The following CREBBP variants were observed in gnomAD, a reference collection of about 807,000 sequenced individuals.
CREBBP encodes CREB-binding protein.
CREBBP carries 19 observed loss-of-function variants against 265.0 expected under a neutral mutation model. That is an observed-to-expected ratio of 0.07 (90% CI 0.05 to 0.11). The LOEUF (loss-of-function observed/expected upper bound fraction) is 0.11. CREBBP is among the 10% of genes least tolerant of loss of function. CREBBP has a pLI of 1.00. For synonymous variants in CREBBP, 1,457 were observed against 1,223.7 expected, an observed-to-expected ratio of 1.19 and a Z score of -3.98; for missense variants, 2,525 against 3,219.0, an observed-to-expected ratio of 0.78 and a Z score of 5.22.
In CREBBP at chr16:3,728,699, C is replaced by T. The variant is rs2151304553; in HGVS notation, c.6348G>A (p.Gln2116=). ...AKYVANQPGM[Q]PQPGLQSQPG... ...GCTGGGACTGGAGGCCAGGCTGGGGCTGCATGCCGGGCTGATTGGCCACGT... is the reference window on the plus strand; with the variant it reads ...GCTGGGACTGGAGGCCAGGCTGGGGTTGCATGCCGGGCTGATTGGCCACGT... The change falls in exon 31 of 31, where the codon CAG becomes CAA. Residue 2116 remains glutamine (Q), a synonymous_variant. Coordinates refer to ENST00000262367, the MANE Select transcript of CREBBP (RefSeq NM_004380.3). This position sits in a 1 kb window ranked among gnomAD's most constrained non-coding sequence, Gnocchi z 8.7. The T allele has an allele frequency of 1.2e-6, 2 of 1,613,866 alleles. No individual in the cohort carries two copies. The highest frequency in any genetic ancestry group is 8.5e-7 in the Non-Finnish European group (1 of 1,179,966).
At chr16:3,842,616 T>C (rs1451730512) in intron 2 of CREBBP, among the ~76,000 whole-genome samples, 1 of 152,126 alleles carries the variant, frequency 6.6e-6, no homozygotes, top group Non-Finnish European at 1.5e-5. Context: ...ATTGCCATGT[T>C]GTCAACAAGG....
rs376103794 is a variant in CREBBP at position 3,774,588 on chromosome 16, C to T, written c.2264G>A (p.Ser755Asn). 7.4e-6 allele frequency: 12 copies of T among 1,614,084 alleles called. No individual in the cohort carries two copies. In the African/African-American group the frequency reaches 1.5e-4, roughly 20 times the overall value. Reference sequence around the variant, plus strand: ...ACTTACCCCTGGCACTGAGCCCATGCTGTTCATCTGGACAGAGTGGTTCAT... The same window carrying T: ...ACTTACCCCTGGCACTGAGCCCATGTTGTTCATCTGGACAGAGTGGTTCAT... ...SPMNHSVQMN[S>N]MGSVPGMAIS... The change falls in exon 12 of 31, where the codon AGC becomes AAC. Residue 755 changes from serine (S) to asparagine (N), a missense_variant. Around this residue, in one of 19 missense-constraint regions of CREBBP, gnomAD observed 548 missense variants for 533.0 expected, o/e 1.03. Transcript: ENST00000262367.
intron 7 of CREBBP, 140 bp from the exon 8 acceptor site, chr16:3,781,018 A>T (rs2053261835): frequency 8.7e-7 from 1 of 1,153,888 alleles, no homozygotes; most frequent in African/African-American, 1.5e-5. Flanking sequence ...AATAAAACTT[A>T]AACTATGTTT....
At chr16:3,845,025 T>C (rs1178970596) in intron 2 of CREBBP, among the ~76,000 whole-genome samples, 1 of 152,238 alleles carries the variant, frequency 6.6e-6, no homozygotes, top group Admixed American at 6.5e-5. Flanking sequence ...AAATGACTTA[T>C]AAAGTTGTAG....
chr16:3,812,398 T>C (rs9933917), intron 2 of CREBBP, among the ~76,000 whole-genome samples: 7,134 of 151,854 alleles, frequency 0.047, 451 homozygotes, highest in African/African-American at 0.14. Context: ...AAGCTGGTCT[T>C]GAACTCCTGA....
At chr16:3,852,157 G>GCTT (rs1745428503) in intron 1 of CREBBP, among the ~76,000 whole-genome samples, 2 of 50,880 alleles carry the variant, frequency 3.9e-5, no homozygotes, top group Non-Finnish European at 7.4e-5. Context: ...TCTTAAATTT[G>GCTT]TTTTTTTTTT....
Position 3,725,983 on chromosome 16 carries a change from C to T in CREBBP, c.*1735G>A, listed in dbSNP as rs2051732362. On this transcript the variant is annotated 3_prime_UTR_variant, in exon 31 of 31. Coordinates refer to ENST00000262367, the MANE Select transcript of CREBBP (RefSeq NM_004380.3). ...TTACGGTTTTTGTGAACTTGTCTCA[C>T]CCACTCAGTAAGGGAGCCTGGAACT... is the stretch of plus-strand genomic sequence containing the variant. The T allele has an allele frequency of 8.6e-6, 2 of 233,132 alleles. No individual in the cohort carries two copies. Among genetic ancestry groups the T allele is most frequent in the Non-Finnish European group, 1.7e-5 (2 of 117,976 alleles). The allele number at this position is 233,132 out of a possible 1,614,324, so 14.4% of individuals were successfully genotyped here. A position where few individuals can be genotyped will look rare whatever the true frequency, so the allele number is the denominator to read the frequency against.
At position 3,775,894 on chromosome 16, in the gene CREBBP, C is replaced by T. The variant is rs571633979; in HGVS notation, c.2159-1201G>A. On this transcript the variant is annotated intron_variant, in intron 11 of 30. Transcript: ENST00000262367. ...AGCATCCAGCCACTTTCCCAAGGCTCAATTTCTCTGACTCCTTGATTTCTT... is the reference window on the plus strand; with the variant it reads ...AGCATCCAGCCACTTTCCCAAGGCTTAATTTCTCTGACTCCTTGATTTCTT... Among the ~76,000 whole-genome samples the T allele has an allele frequency of 1.4e-3, 204 of 150,036 alleles. 1 individual carries two copies. The highest frequency in any genetic ancestry group is 4.5e-3 in the African/African-American group (184 of 40,706).
intron 1 of CREBBP, 63 bp from the exon 2 acceptor site, chr16:3,851,072 C>G: frequency 7.2e-7 from 1 of 1,397,876 alleles, no homozygotes; most frequent in South Asian, 1.2e-5. Context: ...CCAACTGCCA[C>G]GTTTCTATGA....
At chr16:3,734,958 T>C (rs2052014522) in intron 28 of CREBBP, among the ~76,000 whole-genome samples, 1 of 152,154 alleles carries the variant, frequency 6.6e-6, no homozygotes, top group African/African-American at 2.4e-5. Flanking sequence ...ATTCACCGCT[T>C]TTCCTCACTG....
intron 28 of CREBBP, among the ~76,000 whole-genome samples, chr16:3,734,632 G>A (rs547926365): frequency 2.8e-4 from 42 of 152,172 alleles, no homozygotes; most frequent in Non-Finnish European, 2.4e-4. Context: ...GAGCAAGTCC[G>A]AAGACAACAG....
At chr16:3,857,577 CTGT>C (rs2054989477) in intron 1 of CREBBP, among the ~76,000 whole-genome samples, 1 of 152,038 alleles carries the variant, frequency 6.6e-6, no homozygotes, top group African/African-American at 2.4e-5. Context: ...CAAGAGCAAT[CTGT>C]ATCATCGGAA....
At chr16:3,738,437 T>G in intron 26 of CREBBP, 122 bp downstream of exon 26, 1 of 718,660 alleles carries the variant, frequency 1.4e-6, no homozygotes, top group South Asian at 1.6e-5. Flanking sequence ...AGATTCTGAA[T>G]TGATCTTAGG....
chr16:3,794,341 A>AAAAAAAAAAAAAAT (rs2053565738), intron 3 of CREBBP, among the ~76,000 whole-genome samples: 1 of 139,192 alleles, frequency 7.2e-6, no homozygotes, highest in Non-Finnish European at 1.6e-5. Context: ...CAAAAAAAAA[A>AAAAAAAAAAAAAAT]AAAAAAAAAA....
At chr16:3,763,506 G>C (rs377652042) in intron 16 of CREBBP, among the ~76,000 whole-genome samples, 14 of 152,148 alleles carry the variant, frequency 9.2e-5, no homozygotes, top group East Asian at 5.8e-4. Context: ...TGTTGCCCAG[G>C]CTGGAGTGCA....
intron 5 of CREBBP, 72 bp from the exon 6 acceptor site, chr16:3,782,998 A>G: frequency 1.9e-6 from 3 of 1,591,436 alleles, no homozygotes; most frequent in Non-Finnish European, 2.6e-6. Flanking sequence ...AATGATTTAA[A>G]AACTATTGAG....
chr16:3,776,465 C>T (rs1340128048), intron 11 of CREBBP, among the ~76,000 whole-genome samples: 1 of 152,124 alleles, frequency 6.6e-6, no homozygotes, highest in Non-Finnish European at 1.5e-5. Flanking sequence ...CTGCTGACAC[C>T]CCAACCTGGC....
chr16:3,735,663 C>G (rs1019495400), intron 28 of CREBBP, among the ~76,000 whole-genome samples: 2 of 152,172 alleles, frequency 1.3e-5, no homozygotes, highest in African/African-American at 4.8e-5. Context: ...GGAGAGAGGG[C>G]AGCAGGGCAT....
intron 1 of CREBBP, among the ~76,000 whole-genome samples, chr16:3,852,153 A>ATTTT (rs1279166656): frequency 1.9e-5 from 2 of 105,834 alleles, no homozygotes; most frequent in African/African-American, 7.3e-5. Context: ...CCAATCTTAA[A>ATTTT]TTTGTTTTTT....
Sources: gnomAD v4.1 joint callset for allele counts (sites outside exome capture counted in the v4.1 genomes callset) on GRCh38, gnomAD v4.1.1 for gene constraint, gnomAD v4.1.1 regional missense constraint, Gnocchi (gnomAD v3.1) non-coding constraint, MANE v1.5 for transcripts, NCBI Gene and HGNC (gene_info 2026-07-23, HGNC 2026-07-21) for gene names.